Variants in LHFPL7 observed in about 807,000 individuals in gnomAD.
LHFPL7 encodes LHFPL tetraspan subfamily member 7 protein.
the LHFPL7 span, among the ~76,000 whole-genome samples, chr22:24,943,670 G>T: frequency 6.6e-6 from 1 of 152,146 alleles, no homozygotes; most frequent in Admixed American, 6.5e-5. Flanking sequence ...AATCAGGCTC[G>T]GGTTCTGGGC....
At chr22:24,939,435 AAGG>A in the LHFPL7 span, 1 of 703,092 alleles carries the variant, frequency 1.4e-6, no homozygotes, top group Non-Finnish European at 2.6e-6. Flanking sequence ...GAGGATGCCA[AAGG>A]AGAAGGTCGG....
At chr22:24,935,202 T>C in the LHFPL7 span, 1 of 1,230,836 alleles carries the variant, frequency 8.1e-7, no homozygotes. Context: ...AAGAAAAAAC[T>C]GTTCCAGAGA....
the LHFPL7 span, chr22:24,939,289 T>G: frequency 1.4e-6 from 1 of 701,706 alleles, no homozygotes; most frequent in Non-Finnish European, 2.6e-6. Context: ...TTAATGAGTT[T>G]AAACGAGCCC....
At chr22:24,944,692 C>T in the LHFPL7 span, among the ~76,000 whole-genome samples, 2 of 151,934 alleles carry the variant, frequency 1.3e-5, no homozygotes, top group African/African-American at 4.8e-5. Context: ...GTAGCTGGGG[C>T]TACAGGCATG....
chr22:24,937,485 G>A, the LHFPL7 span, among the ~76,000 whole-genome samples: 30 of 152,304 alleles, frequency 2.0e-4, no homozygotes, highest in Middle Eastern at 0.014. Flanking sequence ...AGTATGATGG[G>A]AAGTGATTGG....
the LHFPL7 span, among the ~76,000 whole-genome samples, chr22:24,946,274 C>T: frequency 8.5e-5 from 13 of 152,180 alleles, no homozygotes; most frequent in Admixed American, 2.6e-4. Flanking sequence ...CACACCACTG[C>T]ACTCCAGCCT....
At chr22:24,935,539 T>C in the LHFPL7 span, 2 of 1,613,768 alleles carry the variant, frequency 1.2e-6, no homozygotes, top group Non-Finnish European at 1.7e-6. Context: ...ACTTCCTTGA[T>C]GAATGGGGAG....
chr22:24,939,388 G>A, the LHFPL7 span: 3 of 702,924 alleles, frequency 4.3e-6, no homozygotes, highest in Non-Finnish European at 7.8e-6. Flanking sequence ...ACGCAGCTCT[G>A]GTTCCAACTG....
chr22:24,945,885 ATC>A, the LHFPL7 span, among the ~76,000 whole-genome samples: 1 of 152,260 alleles, frequency 6.6e-6, no homozygotes, highest in Non-Finnish European at 1.5e-5. Context: ...CTATTCCAGC[ATC>A]TGTCACAGAT....
the LHFPL7 span, among the ~76,000 whole-genome samples, chr22:24,945,645 C>G: frequency 1.3e-5 from 2 of 152,144 alleles, no homozygotes; most frequent in African/African-American, 4.8e-5. Context: ...GTATCTTCCC[C>G]AACCCATCAA....
the LHFPL7 span, among the ~76,000 whole-genome samples, chr22:24,940,634 C>CT: frequency 3.6e-3 from 497 of 137,716 alleles, 4 homozygotes; most frequent in African/African-American, 0.012. Context: ...CACATATGCC[C>CT]GCCCTTCCTT....
At chr22:24,946,442 C>CACAT in the LHFPL7 span, 3 of 139,856 alleles carry the variant, frequency 2.1e-5, no homozygotes, top group African/African-American at 8.1e-5. Flanking sequence ...CACACACACA[C>CACAT]AATTGTATGT....
chr22:24,941,091 G>A, the LHFPL7 span, among the ~76,000 whole-genome samples: 1 of 150,692 alleles, frequency 6.6e-6, no homozygotes, highest in African/African-American at 2.4e-5. Flanking sequence ...TTTAATGTAT[G>A]TCATTTTGTG....
chr22:24,944,571 A>G, the LHFPL7 span, among the ~76,000 whole-genome samples: 1 of 152,112 alleles, frequency 6.6e-6, no homozygotes, highest in South Asian at 2.1e-4. Context: ...GCCTTGTAGC[A>G]GAGATAAGGT....
chr22:24,938,325 C>T, the LHFPL7 span: 1 of 1,612,850 alleles, frequency 6.2e-7, no homozygotes, highest in Non-Finnish European at 8.5e-7. Flanking sequence ...GCATTGAAGG[C>T]CAACAGGAGC....
At chr22:24,939,974 C>T in the LHFPL7 span, among the ~76,000 whole-genome samples, 2 of 128,562 alleles carry the variant, frequency 1.6e-5, no homozygotes, top group Non-Finnish European at 3.1e-5. Context: ...GTCGCCCAGG[C>T]TGGAGTGCAG....
chr22:24,943,106 G>A, the LHFPL7 span, among the ~76,000 whole-genome samples: 1 of 151,890 alleles, frequency 6.6e-6, no homozygotes, highest in Non-Finnish European at 1.5e-5. Context: ...GGTGGTGGTG[G>A]TGGTGTTTTC....
chr22:24,940,595 CA>C, the LHFPL7 span, among the ~76,000 whole-genome samples: 5,158 of 124,310 alleles, frequency 0.041, 255 homozygotes, highest in African/African-American at 0.11. Context: ...GACTCCGTCT[CA>C]AAAAAAAAAA....
At chr22:24,944,646 T>C in the LHFPL7 span, among the ~76,000 whole-genome samples, 1 of 152,186 alleles carries the variant, frequency 6.6e-6, no homozygotes, top group East Asian at 1.9e-4. Flanking sequence ...CTCAACCTCC[T>C]GGGGCTCAAG....
Sources: allele counts gnomAD v4.1 joint callset (sites outside exome capture counted in the v4.1 genomes callset), GRCh38; gene constraint gnomAD v4.1.1; transcripts MANE v1.5; gene names NCBI Gene and HGNC (gene_info 2026-07-23, HGNC 2026-07-21).